WFDC9: variants seen among roughly 807,000 people sequenced by gnomAD.
WFDC9 encodes the protein WAP four-disulfide core domain 9.
WFDC9 carries 9 observed loss-of-function variants against 9.5 expected under a neutral mutation model. The observed-to-expected ratio is 0.95, with a 90% CI of 0.57 to 1.65. WFDC9 has a LOEUF of 1.65. Among genes scored for constraint, WFDC9 ranks in the 40% most tolerant of loss-of-function variants. The pLI, the probability that WFDC9 is intolerant of heterozygous loss-of-function variation, is 0.00. For synonymous variants in WFDC9, 33 were observed against 32.3 expected, an observed-to-expected ratio of 1.02 and a Z score of -0.07; for missense variants, 87 against 106.7, an observed-to-expected ratio of 0.82 and a Z score of 0.81.
intron 1 of WFDC9, among the ~76,000 whole-genome samples, chr20:45,622,278 A>G (rs1035342226): frequency 2.6e-5 from 4 of 152,120 alleles, no homozygotes; most frequent in African/African-American, 9.7e-5. Context: ...ATCTTTCTCT[A>G]TAGAATATTT....
intron 1 of WFDC9, among the ~76,000 whole-genome samples, chr20:45,615,715 A>G (rs1981958059): frequency 6.6e-6 from 1 of 152,200 alleles, no homozygotes; most frequent in African/African-American, 2.4e-5. Flanking sequence ...ACAAATCTGT[A>G]TATGTTTCAG....
At chr20:45,608,367 C>A (rs1190717302) in intron 4 of WFDC9, among the ~76,000 whole-genome samples, 1 of 152,056 alleles carries the variant, frequency 6.6e-6, no homozygotes, top group Non-Finnish European at 1.5e-5. Flanking sequence ...AGACGCCCAA[C>A]TAAGGGGTTA....
At chr20:45,617,373 T>C (rs1044921172) in intron 1 of WFDC9, among the ~76,000 whole-genome samples, 15 of 152,172 alleles carry the variant, frequency 9.9e-5, no homozygotes, top group African/African-American at 3.6e-4. Context: ...GAGAATCACT[T>C]GGACCCAGGT....
chr20:45,622,990 G>A (rs3091694), intron 1 of WFDC9, among the ~76,000 whole-genome samples: 46,370 of 151,996 alleles, frequency 0.31, 7,160 homozygotes, highest in Middle Eastern at 0.43. Flanking sequence ...AACAGTTTAG[G>A]TTAAGTTAAG....
At chr20:45,614,835 A>G (rs960588440) in intron 1 of WFDC9, 114 bp from the exon 2 acceptor site, 3 of 152,194 alleles carry the variant, frequency 2.0e-5, no homozygotes, top group African/African-American at 7.2e-5. Context: ...TGTATCACAG[A>G]TTCTTTCCTT....
chr20:45,615,830 G>C (rs1981961196), intron 1 of WFDC9, among the ~76,000 whole-genome samples: 1 of 152,158 alleles, frequency 6.6e-6, no homozygotes, highest in Non-Finnish European at 1.5e-5. Flanking sequence ...TTTACACTAT[G>C]CTGTAGTCTG....
intron 1 of WFDC9, among the ~76,000 whole-genome samples, chr20:45,615,048 CTT>C (rs1981943695): frequency 6.6e-6 from 1 of 152,196 alleles, no homozygotes; most frequent in African/African-American, 2.4e-5. Context: ...CCTTTGACCT[CTT>C]GTCTGTCCTA....
At chr20:45,625,937 C>T (rs987201790) in intron 1 of WFDC9, among the ~76,000 whole-genome samples, 7 of 150,436 alleles carry the variant, frequency 4.7e-5, no homozygotes, top group African/African-American at 7.3e-5. Context: ...CTGCCTCAGC[C>T]TCCAGAGTAG....
chr20:45,608,024 T>G lies in WFDC9; in HGVS notation c.*86A>C. ...CAGAAAGGTTACCAGCTAGAGCCAG[T>G]GGGTGTCCCAAGAAGGAAGTAGGCA... On this transcript the variant is annotated 3_prime_UTR_variant, in exon 5 of 5. Transcript: ENST00000326000. 1 of 1,471,316 alleles carries G rather than the reference T, an allele frequency of 6.8e-7. No individual in the cohort carries two copies. The highest frequency in any genetic ancestry group is 1.2e-5 in the South Asian group (1 of 86,242). The allele number at this position is 1,471,316 out of a possible 1,614,324, so 91.1% of individuals were successfully genotyped here.
intron 1 of WFDC9, among the ~76,000 whole-genome samples, chr20:45,623,416 G>T (rs1982144627): frequency 6.6e-6 from 1 of 152,054 alleles, no homozygotes. Context: ...GAGGCAGGTG[G>T]ACCACCTGAG....
chr20:45,622,887 G>A (rs1982132584), intron 1 of WFDC9, among the ~76,000 whole-genome samples: 1 of 152,186 alleles, frequency 6.6e-6, no homozygotes, highest in African/African-American at 2.4e-5. Flanking sequence ...AGGCCAAAAG[G>A]AAGCATAGGT....
chr20:45,629,655 AAGAGGAAGG>A, intron 1 of WFDC9: 1 of 890,712 alleles, frequency 1.1e-6, no homozygotes, highest in Non-Finnish European at 1.7e-6. Flanking sequence ...GGCAAGCAAA[AAGAGGAAGG>A]ACTCTCTTGC....
rs1414675344 is a variant in WFDC9, at chr20:45,618,840, C to T, written c.-152-4119G>A. Among the ~76,000 whole-genome samples the T allele has an allele frequency of 2.0e-5, 3 of 152,194 alleles. No individual in the cohort carries two copies. The East Asian group carries it at 5.8e-4, about 29-fold the overall frequency. ...TGTGACACAAAGACATAAGTGAGAACATGCTGTTGGAAAAATAGTGCCAAA... is the reference window on the plus strand; with the variant it reads ...TGTGACACAAAGACATAAGTGAGAATATGCTGTTGGAAAAATAGTGCCAAA... On this transcript the variant is annotated intron_variant, in intron 1 of 4. Coordinates refer to ENST00000326000, the MANE Select transcript of WFDC9 (RefSeq NM_147198.4).
intron 1 of WFDC9, chr20:45,629,685 C>A: frequency 8.3e-7 from 1 of 1,211,956 alleles, no homozygotes; most frequent in East Asian, 2.6e-5. Context: ...TCTGCTCCGA[C>A]TTGGCCAGTA....
chr20:45,609,021 C>A (rs544418330), intron 3 of WFDC9, among the ~76,000 whole-genome samples: 1 of 152,252 alleles, frequency 6.6e-6, no homozygotes, highest in African/African-American at 2.4e-5. Flanking sequence ...GTCCCTACAG[C>A]ATTTCAGACT....
chr20:45,630,037 T>C, intron 1 of WFDC9: 1 of 1,286,112 alleles, frequency 7.8e-7, no homozygotes, highest in Non-Finnish European at 1.1e-6. Context: ...TTGTGTAGAC[T>C]CTGGACTGTC....
At chr20:45,609,980 A>T in intron 3 of WFDC9, 111 bp downstream of exon 3, 1 of 778,856 alleles carries the variant, frequency 1.3e-6, no homozygotes, top group Non-Finnish European at 2.1e-6. Flanking sequence ...GAATATCTCT[A>T]CTTAAGGAGA....
intron 1 of WFDC9, among the ~76,000 whole-genome samples, chr20:45,620,323 G>C (rs539459010): frequency 2.6e-5 from 4 of 152,090 alleles, no homozygotes; most frequent in Non-Finnish European, 5.9e-5. Flanking sequence ...CAATTGGGCC[G>C]GGTGTGATGG....
intron 1 of WFDC9, among the ~76,000 whole-genome samples, chr20:45,630,663 T>C (rs1027998267): frequency 2.0e-5 from 3 of 151,984 alleles, no homozygotes; most frequent in Non-Finnish European, 2.9e-5. Flanking sequence ...TGTGGTCTAA[T>C]GGGGTAAGGT....
Sources: allele counts gnomAD v4.1 joint callset (sites outside exome capture counted in the v4.1 genomes callset), GRCh38; gene constraint gnomAD v4.1.1; transcripts MANE v1.5; gene names NCBI Gene and HGNC (gene_info 2026-07-23, HGNC 2026-07-21).